Variants in ZNF519 observed in about 807,000 individuals in gnomAD.
ZNF519 encodes similar to Zinc finger protein 85 (Zinc finger protein HPF4) (HTF1).
In ZNF519, 7 loss-of-function variants were observed where a neutral mutation model predicts 7.4. That is an observed-to-expected ratio of 0.94 (90% CI 0.54 to 1.77). The LOEUF (loss-of-function observed/expected upper bound fraction) is 1.77, where lower values mean the gene tolerates loss of function less well. Ranked by LOEUF, ZNF519 falls within the 40% of genes most tolerant of loss-of-function variation. The probability of loss-of-function intolerance (pLI) is 0.00; values close to 1 mark genes in which losing one functional copy is unlikely to be tolerated. For missense variants in ZNF519, 586 were observed against 623.1 expected, an observed-to-expected ratio of 0.94 and a Z score of 0.63; for synonymous variants, 179 against 203.3, an observed-to-expected ratio of 0.88 and a Z score of 1.02.
intron 2 of ZNF519, among the ~76,000 whole-genome samples, chr18:14,089,399 A>T (rs770051654): frequency 6.6e-6 from 1 of 152,228 alleles, no homozygotes; most frequent in Non-Finnish European, 1.5e-5. Flanking sequence ...TCTGAGGCTA[A>T]TGAAAGAACT....
rs2046334949 is a variant in ZNF519 at position 14,132,291 on chromosome 18, G to A, written c.-14C>T. On this transcript the variant is annotated 5_prime_UTR_variant, in exon 1 of 3. Coordinates refer to ENST00000590202, the MANE Select transcript of ZNF519 (RefSeq NM_145287.4). ...CACACTCACCATTTCTCGGCTTCAG[G>A]GGTGTCCTGGAGTCTTAGCTATAAA... 6.2e-7 allele frequency: 1 copy of A among 1,613,702 alleles called. No homozygotes were observed.
At chr18:14,093,663 C>T (rs1598511115) in intron 2 of ZNF519, among the ~76,000 whole-genome samples, 1 of 152,164 alleles carries the variant, frequency 6.6e-6, no homozygotes. Context: ...TTCCAGGTGG[C>T]TGAATAACAT....
rs762822469 is a variant in ZNF519 at position 14,105,149 on chromosome 18, T to A, written c.1391A>T (p.Glu464Val). 19 of 1,613,388 alleles carry A rather than the reference T, an allele frequency of 1.2e-5. No homozygotes were observed. Among genetic ancestry groups the A allele is most frequent in the Non-Finnish European group, 1.6e-5 (19 of 1,179,446 alleles). Reference protein sequence around the residue: ...HTGEKSFKCEECGKAFIWGSH... With the variant: ...HTGEKSFKCEVCGKAFIWGSH... Reference sequence around the variant, plus strand: ...GCCCCAGATAAAAGCTTTGCCACATTCTTCACATTTGAAAGACTTCTCTCC... The same window carrying A: ...GCCCCAGATAAAAGCTTTGCCACATACTTCACATTTGAAAGACTTCTCTCC... Residue 464 changes from glutamate (E) to valine (V), a missense_variant, in exon 3 of 3, where the codon GAA (glutamate) becomes GTA (valine). Transcript: ENST00000590202.
intron 2 of ZNF519, among the ~76,000 whole-genome samples, chr18:14,111,886 C>T (rs2046222733): frequency 6.6e-6 from 1 of 152,136 alleles, no homozygotes; most frequent in African/African-American, 2.4e-5. Context: ...TATTCCAAAA[C>T]AGAGGAGGAG....
chr18:14,088,274 T>C (rs1373091657), intron 2 of ZNF519, among the ~76,000 whole-genome samples: 9 of 152,178 alleles, frequency 5.9e-5, no homozygotes. Flanking sequence ...AGTAAAGAAT[T>C]AGAAAAACTC....
chr18:14,072,939 T>A (rs2046033465), downstream of ZNF519: 1 of 152,202 alleles, frequency 6.6e-6, no homozygotes, highest in Admixed American at 6.5e-5. Flanking sequence ...AAATATTTTT[T>A]GCCATACAAC....
intron 2 of ZNF519, among the ~76,000 whole-genome samples, chr18:14,121,016 G>A (rs912886909): frequency 4.0e-5 from 6 of 151,848 alleles, no homozygotes; most frequent in African/African-American, 9.7e-5. Context: ...ATAAGAGAAG[G>A]AAATCTAGCC....
downstream of ZNF519, chr18:14,074,111 CAG>C (rs2046038228): frequency 6.6e-6 from 1 of 152,214 alleles, no homozygotes; most frequent in Non-Finnish European, 1.5e-5. Context: ...TGAAGCTCTG[CAG>C]CAGAGTCTGA....
chr18:14,126,595 C>T (rs1191835560), intron 1 of ZNF519, among the ~76,000 whole-genome samples: 3 of 152,188 alleles, frequency 2.0e-5, no homozygotes. Flanking sequence ...CAAGCTCCTT[C>T]ATGGTAGGGA....
chr18:14,125,025 G>A (rs756882392), intron 1 of ZNF519, among the ~76,000 whole-genome samples: 5 of 152,092 alleles, frequency 3.3e-5, no homozygotes, highest in Non-Finnish European at 7.3e-5. Context: ...ACAAAATTTT[G>A]CAGGTTTAAA....
intron 1 of ZNF519, among the ~76,000 whole-genome samples, chr18:14,130,804 T>C (rs557650239): frequency 2.9e-4 from 44 of 151,242 alleles, no homozygotes; most frequent in South Asian, 1.0e-3. Flanking sequence ...TCTGATTGGC[T>C]GACAAGCAAT....
chr18:14,074,627 T>C (rs764371060), downstream of ZNF519: 1 of 152,630 alleles, frequency 6.6e-6, no homozygotes, highest in African/African-American at 2.4e-5. Flanking sequence ...TGCTAAAACA[T>C]AACGAGAGTC....
intron 2 of ZNF519, among the ~76,000 whole-genome samples, chr18:14,118,121 T>TG (rs1464768165): frequency 6.6e-6 from 1 of 152,152 alleles, no homozygotes; most frequent in Non-Finnish European, 1.5e-5. Context: ...TGCAGTGGCA[T>TG]GGCCTCGGCT....
At chr18:14,130,460 A>T (rs1371142690) in intron 1 of ZNF519, among the ~76,000 whole-genome samples, 1 of 152,138 alleles carries the variant, frequency 6.6e-6, no homozygotes, top group African/African-American at 2.4e-5. Context: ...AATTAAAAAA[A>T]CCGAAGTTGA....
In ZNF519 at chr18:14,132,325, T is replaced by C; in HGVS notation, c.-48A>G. The stretch of plus-strand genomic sequence containing the variant: ...GGAGTCTTAGCTATAAATCATTCAA[T>C]GCCAGCAGGTCACAGAGCGACGGAG... On this transcript the variant is annotated 5_prime_UTR_variant, in exon 1 of 3. Transcript: ENST00000590202. 6.2e-7 allele frequency: 1 copy of C among 1,610,668 alleles called. No homozygotes were observed. Among genetic ancestry groups the C allele is most frequent in the Non-Finnish European group, 8.5e-7 (1 of 1,177,188 alleles).
At chr18:14,131,915 G>GGC (rs1162889685) in intron 1 of ZNF519, among the ~76,000 whole-genome samples, 4 of 152,210 alleles carry the variant, frequency 2.6e-5, no homozygotes, top group African/African-American at 9.7e-5. Flanking sequence ...ATGTTTTAAT[G>GGC]GCGCCTCAGT....
chr18:14,074,214 A>C (rs2046038587), downstream of ZNF519: 1 of 152,206 alleles, frequency 6.6e-6, no homozygotes, highest in Non-Finnish European at 1.5e-5. Context: ...ATGACTGAGA[A>C]AGAATCCTTT....
exon 5 of ZNF519, chr18:14,077,142 A>G (rs181215101): frequency 1.8e-4 from 28 of 152,356 alleles, no homozygotes; most frequent in African/African-American, 6.5e-4. Flanking sequence ...ATCAAAAGCA[A>G]TAATGACAAA....
downstream of ZNF519, among the ~76,000 whole-genome samples, chr18:14,095,963 C>T (rs1428713542): frequency 1.3e-5 from 2 of 152,344 alleles, no homozygotes; most frequent in South Asian, 2.1e-4. Flanking sequence ...GGGGTTCACT[C>T]GTGGCCTAAG....
Sources: allele counts gnomAD v4.1 joint callset (sites outside exome capture counted in the v4.1 genomes callset), GRCh38; gene constraint gnomAD v4.1.1; transcripts MANE v1.5; gene names NCBI Gene and HGNC (gene_info 2026-07-23, HGNC 2026-07-21).